Variants in ASXL2 observed in about 807,000 individuals in gnomAD.
ASXL2 encodes the protein ASXL transcriptional regulator 2, also known as putative Polycomb group protein ASXL2.
A neutral mutation model predicts 122.0 loss-of-function variants in ASXL2; 23 were observed. The observed-to-expected ratio is 0.19, with a 90% CI of 0.14 to 0.27. The LOEUF (loss-of-function observed/expected upper bound fraction) is 0.27, where lower values mean the gene tolerates loss of function less well. Ranked by LOEUF, ASXL2 falls within the 10% of genes least tolerant of loss-of-function variation. ASXL2 has a pLI of 1.00. For missense variants in ASXL2, 1,518 were observed against 1,713.8 expected (o/e 0.89, Z 2.02); for synonymous variants, 650 against 637.0 (o/e 1.02, Z -0.31).
At chr2:25,756,709 C>T (rs1220128951) in intron 9 of ASXL2, among the ~76,000 whole-genome samples, 2 of 152,184 alleles carry the variant, frequency 1.3e-5, no homozygotes, top group South Asian at 4.1e-4. Context: ...ACTTTGCAGG[C>T]CATATGGCTT....
At position 25,743,552 on chromosome 2, in the gene ASXL2, G is replaced by A; in HGVS notation, c.2785C>T (p.Pro929Ser). ...CCATTCATGTTTAAAGAAGTTCCTG[G>A]GGTTTTAAGGCTAGAAGCTGCTGGC... ...TLPAASSLKT[P>S]GTSLNMNGPT... is the part of the protein sequence containing the mutation. The change falls in exon 13 of 13, where the codon CCA (proline) becomes TCA (serine). Residue 929 changes from proline (P) to serine (S), a missense_variant. Transcript: ENST00000435504. The A allele has an allele frequency of 6.2e-7, 1 of 1,613,976 alleles. No individual in the cohort carries two copies. The highest frequency in any genetic ancestry group is 1.1e-5 in the South Asian group (1 of 91,082).
chr2:25,749,981 T>C lies in ASXL2; in HGVS notation c.1575A>G (p.Pro525=), dbSNP rs758102705. Residue 525 remains proline (P), a synonymous_variant, in exon 12 of 13, where the codon CCA becomes CCG. Coordinates refer to ENST00000435504, the MANE Select transcript of ASXL2 (RefSeq NM_018263.6). ...CAACCCCAGGACTCTTGGGTTTGCT[T>C]GGCGATGTAACTAAAGATTCTTGGC... The part of the protein sequence containing the change: ...SESQESLVTS[P]SKPKSPGVEK... 2.5e-6 allele frequency: 4 copies of C among 1,614,018 alleles called. No individual in the cohort carries two copies. The Admixed American group carries it at 6.7e-5, about 27-fold the overall frequency.
chr2:25,793,713 T>C (rs545254534), intron 5 of ASXL2, among the ~76,000 whole-genome samples: 1 of 152,360 alleles, frequency 6.6e-6, no homozygotes, highest in African/African-American at 2.4e-5. Context: ...GTTTTTATTC[T>C]AACAGGTCTT....
rs964416499 is a variant in ASXL2, at chr2:25,777,262, GT to G, written c.404-5723del. ...GTTATCACATCCAGGTAATTTTTAA[GT>G]TTTTTTTTTAAAAGATGGGGTCTTG... is the stretch of plus-strand genomic sequence containing the variant. On this transcript the variant is annotated intron_variant, in intron 5 of 12. Coordinates refer to ENST00000435504, the MANE Select transcript of ASXL2 (RefSeq NM_018263.6). Among the ~76,000 whole-genome samples the G allele has an allele frequency of 8.0e-5, 12 of 149,598 alleles. No individual in the cohort carries two copies. The East Asian group carries it at 1.2e-3, about 15-fold the overall frequency.
At chr2:25,844,420 A>G (rs2089625691) in intron 2 of ASXL2, among the ~76,000 whole-genome samples, 1 of 151,976 alleles carries the variant, frequency 6.6e-6, no homozygotes, top group South Asian at 2.1e-4. Context: ...GTCTCTACTA[A>G]AAGTACAAAA....
At position 25,737,333 on chromosome 2, in the gene ASXL2, C is replaced by T. The variant is rs181385825; in HGVS notation, c.*4696G>A. The T allele has an allele frequency of 4.6e-4, 70 of 152,036 alleles. No homozygotes were observed. Among genetic ancestry groups the T allele is most frequent in the African/African-American group, 1.5e-3 (62 of 41,492 alleles). The allele number at this position is 152,036 out of a possible 1,614,324, so 9.4% of individuals were successfully genotyped here. A position where few individuals can be genotyped will look rare whatever the true frequency, so the allele number is the denominator to read the frequency against. On this transcript the variant is annotated 3_prime_UTR_variant, in exon 13 of 13. Coordinates refer to ENST00000435504, the MANE Select transcript of ASXL2 (RefSeq NM_018263.6). ...TGGAGAAAGGAAAACCTATTTTTTC[C>T]CCCGAGATATTTCCTTACCATTCTT...
At chr2:25,834,326 T>C (rs2089484845) in intron 3 of ASXL2, among the ~76,000 whole-genome samples, 1 of 151,974 alleles carries the variant, frequency 6.6e-6, no homozygotes. Context: ...CCACTCCAGC[T>C]TGGGTGACAG....
chr2:25,871,683 C>T (rs1411663064), intron 1 of ASXL2, among the ~76,000 whole-genome samples: 1 of 152,200 alleles, frequency 6.6e-6, no homozygotes, highest in Non-Finnish European at 1.5e-5. Flanking sequence ...CCTCCGCCTC[C>T]CGGGTTCAAG....
intron 5 of ASXL2, among the ~76,000 whole-genome samples, chr2:25,784,229 T>A (rs1311794494): frequency 2.6e-5 from 4 of 151,976 alleles, no homozygotes; most frequent in Admixed American, 2.6e-4. Flanking sequence ...CCAGCCTGGG[T>A]GACAGAGTAA....
intron 2 of ASXL2, among the ~76,000 whole-genome samples, chr2:25,842,059 C>G (rs1209206674): frequency 1.3e-5 from 2 of 150,708 alleles, no homozygotes; most frequent in East Asian, 3.9e-4. Context: ...TTGCAATGAG[C>G]TGAGATCGCG....
intron 1 of ASXL2, among the ~76,000 whole-genome samples, chr2:25,865,090 T>G (rs1279135596): frequency 6.6e-6 from 1 of 150,906 alleles, no homozygotes; most frequent in Non-Finnish European, 1.5e-5. Flanking sequence ...ACAAAAGTGC[T>G]GAGATTACAG....
chr2:25,831,904 C>A (rs2089458607), intron 3 of ASXL2, among the ~76,000 whole-genome samples: 2 of 152,118 alleles, frequency 1.3e-5, no homozygotes. Flanking sequence ...AGATTTCTCG[C>A]CTAAAACCAC....
Position 25,845,530 on chromosome 2 carries a change from G to A in ASXL2, c.91C>T (p.His31Tyr). Residue 31 changes from histidine (H) to tyrosine (Y), a missense_variant, in exon 2 of 13, where the codon CAT (histidine) becomes TAT (tyrosine). By Grantham distance (83) the His-to-Tyr change is moderately conservative. Transcript: ENST00000435504. Reference sequence around the variant, plus strand: ...TGGATAACTTGAAGAATTTCTTTATGACTCATGGGTGTATTGGGGTATTTT... The same window carrying A: ...TGGATAACTTGAAGAATTTCTTTATAACTCATGGGTGTATTGGGGTATTTT... ...LEKYPNTPMS[H>Y]KEILQVIQRE... 6.7e-7 allele frequency: 1 copy of A among 1,500,266 alleles called. No individual in the cohort carries two copies. The highest frequency in any genetic ancestry group is 8.9e-7 in the Non-Finnish European group (1 of 1,119,452). 92.9% of individuals were successfully genotyped at this position (1,500,266 alleles called of 1,614,324 possible).
chr2:25,793,687 T>C (rs1364344804), intron 5 of ASXL2, among the ~76,000 whole-genome samples: 1 of 152,222 alleles, frequency 6.6e-6, no homozygotes, highest in Non-Finnish European at 1.5e-5. Flanking sequence ...AACAGTTATG[T>C]TTCTCTTGAG....
chr2:25,781,098 T>C (rs1320167328), intron 5 of ASXL2, among the ~76,000 whole-genome samples: 1 of 151,706 alleles, frequency 6.6e-6, no homozygotes, highest in African/African-American at 2.4e-5. Flanking sequence ...AATTCACCCA[T>C]GTTTTCCTGT....
Position 25,736,955 on chromosome 2 carries a change from T to A in ASXL2, c.*5074A>T, listed in dbSNP as rs1222305957. The A allele has an allele frequency of 1.3e-5, 2 of 152,198 alleles. No homozygotes were observed. Among genetic ancestry groups the A allele is most frequent in the African/African-American group, 2.4e-5 (1 of 41,454 alleles). The allele number at this position is 152,198 out of a possible 1,614,324, so 9.4% of individuals were successfully genotyped here. On this transcript the variant is annotated 3_prime_UTR_variant, in exon 13 of 13. Coordinates refer to ENST00000435504, the MANE Select transcript of ASXL2 (RefSeq NM_018263.6). ...AAGTATTTACTTTGCAGCCACAAAATGAGTTCTCGTGGATTAGACAGCAAT... is the reference window on the plus strand; with the variant it reads ...AAGTATTTACTTTGCAGCCACAAAAAGAGTTCTCGTGGATTAGACAGCAAT...
chr2:25,865,314 C>CCCAG (rs1357414390), intron 1 of ASXL2, among the ~76,000 whole-genome samples: 2 of 151,716 alleles, frequency 1.3e-5, no homozygotes, highest in African/African-American at 2.4e-5. Context: ...ACCTTTAAGT[C>CCCAG]CCAGCTACTT....
At position 25,740,082 on chromosome 2, in the gene ASXL2, CTG is replaced by C. The variant is rs995053181; in HGVS notation, c.*1945_*1946del. 1.3e-5 allele frequency: 3 copies of C among 226,408 alleles called. No individual in the cohort carries two copies. Among genetic ancestry groups the C allele is most frequent in the African/African-American group, 6.7e-5 (3 of 45,106 alleles). 14.0% of individuals were successfully genotyped at this position (226,408 alleles called of 1,614,324 possible). On this transcript the variant is annotated 3_prime_UTR_variant, in exon 13 of 13. Transcript: ENST00000435504. Reference sequence around the variant, plus strand: ...TCCTTGCAGCCTTCTTATCTCTTAGCTGTGTGTGCTGGAAGAAAGGAGAAAGA... The same window carrying C: ...TCCTTGCAGCCTTCTTATCTCTTAGCTGTGTGCTGGAAGAAAGGAGAAAGA...
chr2:25,862,191 A>T (rs571423675), intron 1 of ASXL2, among the ~76,000 whole-genome samples: 2 of 152,350 alleles, frequency 1.3e-5, no homozygotes, highest in Admixed American at 1.3e-4. Flanking sequence ...AAAGTGAAGT[A>T]AATCTATGTA....
Sources: allele counts gnomAD v4.1 joint callset (sites outside exome capture counted in the v4.1 genomes callset), GRCh38; gene constraint gnomAD v4.1.1; transcripts MANE v1.5; gene names NCBI Gene and HGNC (gene_info 2026-07-23, HGNC 2026-07-21).